The following ATP8B2 variants were observed in gnomAD, a reference collection of about 807,000 sequenced individuals.
The protein encoded by ATP8B2 is phospholipid-transporting ATPase ID.
ATP8B2 carries 70 observed loss-of-function variants against 133.4 expected under a neutral mutation model. The observed-to-expected ratio is 0.52, with a 90% CI of 0.43 to 0.64. ATP8B2 has a LOEUF of 0.64. ATP8B2 is among the 30% of genes least tolerant of loss of function. The probability of loss-of-function intolerance (pLI) is 0.00; values close to 1 mark genes in which losing one functional copy is unlikely to be tolerated. For synonymous variants in ATP8B2, 517 were observed against 589.5 expected, an observed-to-expected ratio of 0.88 and a Z score of 1.78; for missense variants, 1,101 against 1,535.7, an observed-to-expected ratio of 0.72 and a Z score of 4.73.
At position 154,343,242 on chromosome 1, in the gene ATP8B2, C is replaced by T. The variant is rs1686447370; in HGVS notation, c.1583C>T (p.Thr528Ile). The T allele has an allele frequency of 6.2e-7, 1 of 1,614,010 alleles. No individual in the cohort carries two copies. Among genetic ancestry groups the T allele is most frequent in the Non-Finnish European group, 8.5e-7 (1 of 1,180,036 alleles). ...ITVHEMGTAITYQLLAILDFN... is the reference protein window; with the variant it reads ...ITVHEMGTAIIYQLLAILDFN... ...GTCCATGAGATGGGCACAGCCATCA[C>T]CTACCAGCTGCTGGCCATCCTGGAC... is the stretch of plus-strand genomic sequence containing the variant. Residue 528 changes from threonine (T) to isoleucine (I), a missense_variant, in exon 16 of 28, where the codon ACC becomes ATC. Physicochemically the swap from Thr to Ile is moderately conservative, Grantham distance 89. Coordinates refer to ENST00000368489, the MANE Select transcript of ATP8B2 (RefSeq NM_001370597.1). The surrounding 1 kb of genome is among the most constrained non-coding windows in gnomAD (Gnocchi z 5.8).
Position 154,346,902 on chromosome 1 carries a change from A to C in ATP8B2, c.3163+144A>C. 2 of 818,686 alleles carry C rather than the reference A, an allele frequency of 2.4e-6. No individual in the cohort carries two copies. The highest frequency in any genetic ancestry group is 3.4e-6 in the Non-Finnish European group (2 of 583,560). 50.7% of individuals were successfully genotyped at this position (818,686 alleles called of 1,614,324 possible). ...ATTTATTTATTTATTTATTTTCGAG[A>C]AGGAGTCTTGCCCAGGCTGGAGTGC... On this transcript the variant is annotated intron_variant, in intron 26 of 27. Transcript: ENST00000368489. The surrounding 1 kb of genome is among the most constrained non-coding windows in gnomAD (Gnocchi z 4.5).
chr1:154,344,727 C>T lies in ATP8B2; in HGVS notation c.2228C>T (p.Thr743Ile). 6.2e-7 allele frequency: 1 copy of T among 1,611,602 alleles called. No individual in the cohort carries two copies. Among genetic ancestry groups the T allele is most frequent in the Admixed American group, 1.7e-5 (1 of 59,980 alleles). Residue 743 changes from threonine to isoleucine, a missense_variant, in exon 21 of 28, where the codon ACT (threonine) becomes ATT (isoleucine). Transcript: ENST00000368489. This position sits in a 1 kb window ranked among gnomAD's most constrained non-coding sequence, Gnocchi z 4.1. ...GACAAGCTTTCTTCTTCCAAGCTAA[C>T]TTCTGTCCTGGAGGCCGTTGCTGGG... is the stretch of plus-strand genomic sequence containing the variant. ...YQDKLSSSKL[T>I]SVLEAVAGEY...
At position 154,328,501 on chromosome 1, in the gene ATP8B2, G is replaced by A. The variant is rs933678645; in HGVS notation, c.31+329G>A. Among the ~76,000 whole-genome samples the A allele has an allele frequency of 6.6e-6, 1 of 152,130 alleles. No individual in the cohort carries two copies. Among genetic ancestry groups the A allele is most frequent in the Non-Finnish European group, 1.5e-5 (1 of 68,030 alleles). On this transcript the variant is annotated intron_variant, in intron 2 of 27. Transcript: ENST00000368489. This position sits in a 1 kb window ranked among gnomAD's most constrained non-coding sequence, Gnocchi z 4.6. ...CTCTCACCCCTTCCCTGCTCCCCTC[G>A]TTTTTCCATCTACCGGTTCTCCTGG...
At position 154,344,685 on chromosome 1, in the gene ATP8B2, A is replaced by G. The variant is rs760220207; in HGVS notation, c.2186A>G (p.Asn729Ser). ...ATGGACTCATCCCGCTCCGTAGGCAACGGCTTCACCTATCAGGACAAGCTT... is the reference window on the plus strand; with the variant it reads ...ATGGACTCATCCCGCTCCGTAGGCAGCGGCTTCACCTATCAGGACAAGCTT... ...KMMDSSRSVG[N>S]GFTYQDKLSS... Residue 729 changes from asparagine (N) to serine (S), a missense_variant, in exon 21 of 28, where the codon AAC (asparagine) becomes AGC (serine). By Grantham distance (46) the Asn-to-Ser change is conservative. Coordinates refer to ENST00000368489, the MANE Select transcript of ATP8B2 (RefSeq NM_001370597.1). This position sits in a 1 kb window ranked among gnomAD's most constrained non-coding sequence, Gnocchi z 4.1. 1.2e-6 allele frequency: 2 copies of G among 1,611,904 alleles called. No individual in the cohort carries two copies. Among genetic ancestry groups the G allele is most frequent in the African/African-American group, 1.3e-5 (1 of 75,008 alleles).
chr1:154,344,912 C>T lies in ATP8B2; in HGVS notation c.2287-59C>T. 2 of 1,562,460 alleles carry T rather than the reference C, an allele frequency of 1.3e-6. No individual in the cohort carries two copies. Among genetic ancestry groups the T allele is most frequent in the African/African-American group, 1.4e-5 (1 of 73,492 alleles). On this transcript the variant is annotated intron_variant, in intron 21 of 27. Transcript: ENST00000368489. This position sits in a 1 kb window ranked among gnomAD's most constrained non-coding sequence, Gnocchi z 4.1. ...TGGTCTCAAAGGGGACTGGGAGGAGCTGAGACTCCCAGGTGTCTCCTGGAA... is the reference window on the plus strand; with the variant it reads ...TGGTCTCAAAGGGGACTGGGAGGAGTTGAGACTCCCAGGTGTCTCCTGGAA...
chr1:154,345,651 C>G lies in ATP8B2; in HGVS notation c.2694+106C>G. The G allele has an allele frequency of 7.5e-7, 1 of 1,328,264 alleles. No homozygotes were observed. The highest frequency in any genetic ancestry group is 1.5e-5 in the African/African-American group (1 of 68,232). 82.3% of individuals were successfully genotyped at this position (1,328,264 alleles called of 1,614,324 possible). On this transcript the variant is annotated intron_variant, in intron 23 of 27. Coordinates refer to ENST00000368489, the MANE Select transcript of ATP8B2 (RefSeq NM_001370597.1). This position sits in a 1 kb window ranked among gnomAD's most constrained non-coding sequence, Gnocchi z 5.6. Reference sequence around the variant, plus strand: ...CCCAGGGCCTAGCTATTTTCTGGTACATACTCTTAAAAAATGCTTATTAAA... The same window carrying G: ...CCCAGGGCCTAGCTATTTTCTGGTAGATACTCTTAAAAAATGCTTATTAAA...
At chr1:154,330,783 A>G in intron 3 of ATP8B2, 32 bp from the exon 4 acceptor site, 1 of 1,574,954 alleles carries the variant, frequency 6.3e-7, no homozygotes, top group Non-Finnish European at 8.7e-7. Context: ...GGGACTGGAG[A>G]CTGCTCATTA....
intron 14 of ATP8B2, 26 bp from the exon 15 acceptor site, chr1:154,342,770 C>A: frequency 6.2e-7 from 1 of 1,611,372 alleles, no homozygotes; most frequent in South Asian, 1.1e-5. Flanking sequence ...TCTAGCCTTT[C>A]CTAAGAGCCT....
At chr1:154,342,752 C>G (rs1434640206) in intron 14 of ATP8B2, 44 bp from the exon 15 acceptor site, 3 of 1,599,120 alleles carry the variant, frequency 1.9e-6, no homozygotes, top group Non-Finnish European at 2.6e-6. Flanking sequence ...CGGGATGCAG[C>G]CTGGCACTCT....
chr1:154,328,203 A>G lies in ATP8B2; in HGVS notation c.31+31A>G, dbSNP rs1321079352. On this transcript the variant is annotated intron_variant, in intron 2 of 27. Transcript: ENST00000368489. The surrounding 1 kb of genome is among the most constrained non-coding windows in gnomAD (Gnocchi z 4.6). Reference sequence around the variant, plus strand: ...ACAGGCAAGGAGGGGAGATCCCGGGAACCATCAAGAGTGGGTGTTGTTATG... The same window carrying G: ...ACAGGCAAGGAGGGGAGATCCCGGGGACCATCAAGAGTGGGTGTTGTTATG... 6.3e-7 allele frequency: 1 copy of G among 1,597,132 alleles called. No individual in the cohort carries two copies. Among genetic ancestry groups the G allele is most frequent in the South Asian group, 1.1e-5 (1 of 90,684 alleles).
At chr1:154,327,732 T>C (rs900941947) in intron 1 of ATP8B2, 2 of 1,511,776 alleles carry the variant, frequency 1.3e-6, no homozygotes, top group Non-Finnish European at 1.8e-6. Flanking sequence ...TTGGGGAAAC[T>C]GCTTTCTAGT....
intron 27 of ATP8B2, 102 bp from the exon 28 acceptor site, chr1:154,348,738 G>T: frequency 7.1e-7 from 1 of 1,408,560 alleles, no homozygotes; most frequent in South Asian, 1.4e-5. Context: ...TGGGTCGGAG[G>T]CCTCTGTGTC....
intron 9 of ATP8B2, among the ~76,000 whole-genome samples, chr1:154,332,950 T>G (rs1325025762): frequency 6.6e-6 from 1 of 152,196 alleles, no homozygotes. Flanking sequence ...GCTTATTCTT[T>G]TAGCTTATTA....
At chr1:154,347,317 G>A (rs138923356) in intron 26 of ATP8B2, among the ~76,000 whole-genome samples, 129 of 152,330 alleles carry the variant, frequency 8.5e-4, no homozygotes, top group Middle Eastern at 3.4e-3. Flanking sequence ...TCTTCTGCAC[G>A]TGGAGCTGGG....
intron 13 of ATP8B2, chr1:154,341,423 G>A (rs1337612812): frequency 2.8e-6 from 1 of 356,342 alleles, no homozygotes; most frequent in Non-Finnish European, 5.4e-6. Flanking sequence ...AGCCTGGGAG[G>A]TCAAGGCTGC....
chr1:154,327,833 A>G (rs144509983), intron 1 of ATP8B2: 18 of 1,613,658 alleles, frequency 1.1e-5, no homozygotes, highest in African/African-American at 2.7e-5. Context: ...CCTTTTTTCA[A>G]TATCTGGCCT....
In ATP8B2 at chr1:154,344,061, C is replaced by T. The variant is rs370789959; in HGVS notation, c.1923+4C>T. On this transcript the variant is annotated splice_donor_region_variant and intron_variant, in intron 18 of 27. Transcript: ENST00000368489. This position sits in a 1 kb window ranked among gnomAD's most constrained non-coding sequence, Gnocchi z 4.1. ...GGAGGTTGAGAACAACATGATGGTA[C>T]GGGCTGCGGGACGGGCCAAGGATGG... 4.3e-5 allele frequency: 70 copies of T among 1,613,668 alleles called. No individual in the cohort carries two copies. Among genetic ancestry groups the T allele is most frequent in the Admixed American group, 2.2e-4 (13 of 59,988 alleles).
chr1:154,327,595 G>A (rs1272251258), intron 1 of ATP8B2, among the ~76,000 whole-genome samples: 1 of 152,152 alleles, frequency 6.6e-6, no homozygotes, highest in Non-Finnish European at 1.5e-5. Context: ...GATAATGGAA[G>A]CCCTAGTAAT....
chr1:154,332,280 TC>T lies in ATP8B2; in HGVS notation c.509+259del, dbSNP rs542935459. Among the ~76,000 whole-genome samples the T allele has an allele frequency of 5.9e-5, 9 of 152,246 alleles. No individual in the cohort carries two copies. In the East Asian group the frequency reaches 1.3e-3, roughly 23 times the overall value. On this transcript the variant is annotated intron_variant, in intron 8 of 27. Coordinates refer to ENST00000368489, the MANE Select transcript of ATP8B2 (RefSeq NM_001370597.1). ...GGGCATGGTGACTCACTCCTGTAAA[TC>T]CCAGCACTTTGGGAGGCCAGTGTGG...
Sources: allele counts gnomAD v4.1 joint callset (sites outside exome capture counted in the v4.1 genomes callset), GRCh38; gene constraint gnomAD v4.1.1; non-coding constraint Gnocchi (gnomAD v3.1); transcripts MANE v1.5; gene names NCBI Gene and HGNC (gene_info 2026-07-23, HGNC 2026-07-21).